Variants in PTPRB observed in about 807,000 individuals in gnomAD.
PTPRB encodes the protein receptor-type tyrosine-protein phosphatase beta.
PTPRB carries 97 observed loss-of-function variants against 238.1 expected under a neutral mutation model. The observed-to-expected ratio is 0.41, with a 90% CI of 0.35 to 0.48. The LOEUF (loss-of-function observed/expected upper bound fraction) is 0.48. PTPRB is among the 20% of genes least tolerant of loss of function. The pLI is 0.30. For synonymous variants in PTPRB, 970 were observed against 995.4 expected (o/e 0.97, Z 0.48); for missense variants, 2,292 against 2,681.9 (o/e 0.85, Z 3.21).
intron 4 of PTPRB, 35 bp from the exon 5 acceptor site, chr12:70,596,362 AAAAAGAAAG>A (rs1863840160): frequency 1.5e-6 from 2 of 1,331,876 alleles, no homozygotes; most frequent in Non-Finnish European, 1.9e-6. Flanking sequence ...CACAAAAAAA[AAAAAGAAAG>A]AAAAAGAAAA....
intron 32 of PTPRB, among the ~76,000 whole-genome samples, chr12:70,528,302 C>G (rs1872692476): frequency 6.6e-6 from 1 of 152,016 alleles, no homozygotes; most frequent in African/African-American, 2.4e-5. Flanking sequence ...GAAGCTTGTA[C>G]CCAGGATGAG....
At chr12:70,595,950 C>A in intron 5 of PTPRB, 99 bp downstream of exon 5, 1 of 1,147,008 alleles carries the variant, frequency 8.7e-7, no homozygotes. Flanking sequence ...AATTAATTAA[C>A]TTTGCTCTGG....
chr12:70,591,870 G>A (rs1051287533), intron 7 of PTPRB: 4 of 172,438 alleles, frequency 2.3e-5, no homozygotes, highest in Admixed American at 1.1e-4. Context: ...TGTCTTAGTC[G>A]TTTTAACAAT....
At chr12:70,585,405 G>C (rs576223985) in intron 9 of PTPRB, 67 of 152,298 alleles carry the variant, frequency 4.4e-4, no homozygotes, top group African/African-American at 1.5e-3. Flanking sequence ...GTTTGGCTCT[G>C]TGTCCCCACC....
chr12:70,555,445 GC>G, intron 19 of PTPRB, 136 bp from the exon 20 acceptor site: 1 of 855,474 alleles, frequency 1.2e-6, no homozygotes, highest in Non-Finnish European at 1.7e-6. Context: ...TGTGTTTAAT[GC>G]TGTAATCAAG....
At chr12:70,567,283 T>C (rs1879424643) in intron 14 of PTPRB, among the ~76,000 whole-genome samples, 1 of 152,234 alleles carries the variant, frequency 6.6e-6, no homozygotes, top group African/African-American at 2.4e-5. Flanking sequence ...TGGTTTGAAG[T>C]GTCATCCATA....
At chr12:70,534,995 G>GTGAC in intron 29 of PTPRB, 40 bp from the exon 30 acceptor site, 1 of 1,584,382 alleles carries the variant, frequency 6.3e-7, no homozygotes, top group African/African-American at 1.3e-5. Context: ...GTCCGGAAAA[G>GTGAC]TGACTCCTTG....
chr12:70,549,581 C>T (rs757530073), intron 21 of PTPRB, among the ~76,000 whole-genome samples: 5 of 152,146 alleles, frequency 3.3e-5, no homozygotes, highest in Admixed American at 1.3e-4. Context: ...ATTCTTTTAC[C>T]GTGCTATTTC....
chr12:70,563,247 A>G lies in PTPRB; in HGVS notation c.3905-140T>C. On this transcript the variant is annotated intron_variant, in intron 15 of 33. Coordinates refer to ENST00000334414, the MANE Select transcript of PTPRB (RefSeq NM_001109754.4). ...AAACAGTAACAATAGGAAAAGCCAA[A>G]AGCACTTTACAAAAATCTTCATGTT... is the stretch of plus-strand genomic sequence containing the variant. The G allele has an allele frequency of 3.2e-6, 3 of 939,646 alleles. No homozygotes were observed. In the South Asian group the frequency reaches 5.3e-5, roughly 16 times the overall value. 58.2% of individuals were successfully genotyped at this position (939,646 alleles called of 1,614,324 possible).
At chr12:70,603,753 C>G (rs1883713244) in intron 4 of PTPRB, among the ~76,000 whole-genome samples, 1 of 152,164 alleles carries the variant, frequency 6.6e-6, no homozygotes, top group Non-Finnish European at 1.5e-5. Flanking sequence ...TATTGTTATA[C>G]TATCCCCATT....
intron 4 of PTPRB, chr12:70,608,824 T>A: frequency 1.8e-6 from 1 of 542,392 alleles, no homozygotes; most frequent in Non-Finnish European, 3.2e-6. Flanking sequence ...CTGACCGCCC[T>A]GCACCCCACC....
At chr12:70,532,308 A>G in intron 31 of PTPRB, 138 bp from the exon 32 acceptor site, 1 of 1,154,798 alleles carries the variant, frequency 8.7e-7, no homozygotes, top group South Asian at 1.7e-5. Context: ...CTCTCAAATA[A>G]GTTTAACCTA....
At chr12:70,612,979 C>T (rs768858905) in intron 3 of PTPRB, among the ~76,000 whole-genome samples, 13 of 152,076 alleles carry the variant, frequency 8.5e-5, no homozygotes, top group Non-Finnish European at 4.4e-5. Flanking sequence ...AGAGTGAAAA[C>T]CTTCTCTCAA....
intron 2 of PTPRB, among the ~76,000 whole-genome samples, chr12:70,626,371 C>T (rs1844927111): frequency 6.9e-6 from 1 of 144,156 alleles, no homozygotes; most frequent in Admixed American, 7.3e-5. Context: ...ATCTATATTC[C>T]TGCCTGCCTG....
intron 32 of PTPRB, among the ~76,000 whole-genome samples, chr12:70,524,865 GTATATATGTGTGTATATATGTA>G (rs1270461561): frequency 2.0e-4 from 30 of 149,118 alleles, no homozygotes; most frequent in African/African-American, 7.3e-4. Context: ...GTATATGTGT[GTATATATGTGTGTATATATGTA>G]TATATGTGTA....
At chr12:70,591,422 G>C (rs1052192264) in intron 7 of PTPRB, among the ~76,000 whole-genome samples, 3 of 151,118 alleles carry the variant, frequency 2.0e-5, no homozygotes, top group Non-Finnish European at 3.0e-5. Context: ...TGACCTCTTT[G>C]AATTATCTGT....
Position 70,521,485 on chromosome 12 carries a change from AT to A in PTPRB, c.*3del. The A allele has an allele frequency of 6.5e-7, 1 of 1,542,162 alleles. No individual in the cohort carries two copies. The highest frequency in any genetic ancestry group is 1.7e-4 in the Middle Eastern group (1 of 5,908). On this transcript the variant is annotated 3_prime_UTR_variant, in exon 34 of 34. Coordinates refer to ENST00000334414, the MANE Select transcript of PTPRB (RefSeq NM_001109754.4). ...TTTTATCCAGGAGCTCTTCAGGTAC[AT>A]TCTCAATGCCTTGAATAGACTGGAT...
At chr12:70,586,679 G>A (rs1339876303) in intron 9 of PTPRB, among the ~76,000 whole-genome samples, 2 of 151,978 alleles carry the variant, frequency 1.3e-5, no homozygotes, top group African/African-American at 4.8e-5. Context: ...TATTTCTTCT[G>A]CCTTTAAAAA....
chr12:70,613,469 C>G (rs1271063901), intron 3 of PTPRB, among the ~76,000 whole-genome samples: 2 of 152,048 alleles, frequency 1.3e-5, no homozygotes, highest in East Asian at 3.9e-4. Context: ...ATTTCCTCTT[C>G]TTCAGCCACT....
Sources: allele counts gnomAD v4.1 joint callset (sites outside exome capture counted in the v4.1 genomes callset), GRCh38; gene constraint gnomAD v4.1.1; transcripts MANE v1.5; gene names NCBI Gene and HGNC (gene_info 2026-07-23, HGNC 2026-07-21).